Variants in ADAMTSL1 observed in about 807,000 individuals in gnomAD.
ADAMTSL1 encodes the protein ADAMTS-like protein 1.
ADAMTSL1 carries 126 observed loss-of-function variants against 201.8 expected under a neutral mutation model. The ratio of observed to expected loss-of-function variants is 0.62; its 90% CI spans 0.54 to 0.72. The LOEUF (loss-of-function observed/expected upper bound fraction) is 0.72. Ranked by LOEUF, ADAMTSL1 falls within the 30% of genes least tolerant of loss-of-function variation. The pLI is 0.00. For missense variants in ADAMTSL1, 2,679 were observed against 2,277.8 expected (o/e 1.18, Z -3.59); for synonymous variants, 1,121 against 903.4 (o/e 1.24, Z -4.32).
At chr9:18,272,005 C>T (rs1832389634) in intron 2 of ADAMTSL1, among the ~76,000 whole-genome samples, 1 of 150,480 alleles carries the variant, frequency 6.6e-6, no homozygotes, top group Non-Finnish European at 1.5e-5. Flanking sequence ...TATCCTTCGC[C>T]CACTTTTTGA....
At chr9:18,391,082 G>A (rs1051151050) in intron 2 of ADAMTSL1, among the ~76,000 whole-genome samples, 5 of 152,090 alleles carry the variant, frequency 3.3e-5, no homozygotes, top group African/African-American at 1.2e-4. Context: ...GTCTCTTGTC[G>A]ATTCACTCCA....
chr9:18,303,005 A>C (rs553618910), intron 2 of ADAMTSL1, among the ~76,000 whole-genome samples: 1 of 152,226 alleles, frequency 6.6e-6, no homozygotes, highest in Non-Finnish European at 1.5e-5. Flanking sequence ...GCTTTAATAC[A>C]TAAGAAAAGA....
intron 2 of ADAMTSL1, among the ~76,000 whole-genome samples, chr9:18,324,958 C>A (rs7031275): frequency 6.6e-6 from 1 of 151,958 alleles, no homozygotes; most frequent in Non-Finnish European, 1.5e-5. Flanking sequence ...CACTTCACAG[C>A]GAAAGATATA....
intron 23 of ADAMTSL1, among the ~76,000 whole-genome samples, chr9:18,873,891 T>G (rs1245814156): frequency 2.0e-5 from 3 of 152,184 alleles, no homozygotes; most frequent in Non-Finnish European, 4.4e-5. Context: ...TTTGGCAGTA[T>G]GGTCATTTTC....
Position 17,997,487 on chromosome 9 carries a change from A to G in ADAMTSL1, c.87+90565A>G, listed in dbSNP as rs962575352. Among the ~76,000 whole-genome samples, 23 of 152,080 alleles carry G rather than the reference A, an allele frequency of 1.5e-4. No homozygotes were observed. In the East Asian group the frequency reaches 4.5e-3, roughly 29 times the overall value. On this transcript the variant is annotated intron_variant, in intron 1 of 29. Coordinates refer to the ADAMTSL1 transcript ENST00000680146. ...TAGCCAGAAAATGAATCCGTTGAAA[A>G]TCTTATTTACACATATGTTGGTAAC...
At chr9:18,509,331 C>G (rs1817881552) in intron 2 of ADAMTSL1, among the ~76,000 whole-genome samples, 1 of 146,958 alleles carries the variant, frequency 6.8e-6, no homozygotes, top group Admixed American at 6.9e-5. Context: ...CTGGTTCTAT[C>G]TATTCTAGTA....
chr9:18,420,448 AAT>A (rs1314488885), intron 2 of ADAMTSL1, among the ~76,000 whole-genome samples: 1 of 152,152 alleles, frequency 6.6e-6, no homozygotes. Flanking sequence ...CCTTTCCTCA[AAT>A]GTAGGTAAGA....
intron 2 of ADAMTSL1, among the ~76,000 whole-genome samples, chr9:18,344,338 A>G (rs1835602935): frequency 2.0e-5 from 3 of 151,986 alleles, no homozygotes; most frequent in South Asian, 4.1e-4. Context: ...ATTTATTTTT[A>G]TAGAGATGGG....
intron 4 of ADAMTSL1, among the ~76,000 whole-genome samples, chr9:18,591,713 T>C (rs1484795653): frequency 6.6e-6 from 1 of 152,190 alleles, no homozygotes; most frequent in African/African-American, 2.4e-5. Context: ...CAAACACATC[T>C]TTATTAACCA....
intron 4 of ADAMTSL1, among the ~76,000 whole-genome samples, chr9:18,618,852 T>C (rs1211636625): frequency 6.6e-6 from 1 of 152,186 alleles, no homozygotes. Flanking sequence ...CAATGAGAAA[T>C]GTATTCTTTT....
chr9:17,926,657 A>G (rs1178519359), intron 1 of ADAMTSL1, among the ~76,000 whole-genome samples: 1 of 152,198 alleles, frequency 6.6e-6, no homozygotes, highest in African/African-American at 2.4e-5. Context: ...CTCACATACT[A>G]TTGGCCAATC....
intron 1 of ADAMTSL1, among the ~76,000 whole-genome samples, chr9:17,919,951 G>T (rs574624254): frequency 2.6e-5 from 4 of 152,192 alleles, no homozygotes; most frequent in Admixed American, 1.3e-4. Flanking sequence ...GTGTATGAAG[G>T]TCCTAATTTT....
In ADAMTSL1 at chr9:18,906,846, C is replaced by G. The variant is rs762007202; in HGVS notation, c.5116C>G (p.His1706Asp). The G allele has an allele frequency of 6.2e-7, 1 of 1,614,012 alleles. No homozygotes were observed. The highest frequency in any genetic ancestry group is 1.7e-5 in the Admixed American group (1 of 60,030). Residue 1706 changes from histidine (H) to aspartate (D), a missense_variant, in exon 28 of 29, where the codon CAC becomes GAC. Coordinates refer to ENST00000380548, the MANE Select transcript of ADAMTSL1 (RefSeq NM_001040272.6). ...HARTNKAVPE[H>D]LCSWGPRPAN... The stretch of plus-strand genomic sequence containing the variant: ...CCGCACCAACAAGGCAGTGCCTGAG[C>G]ACCTGTGCTCCTGGGGGCCCCGGCC...
intron 1 of ADAMTSL1, among the ~76,000 whole-genome samples, chr9:17,958,808 T>C (rs1828027928): frequency 6.6e-6 from 1 of 152,134 alleles, no homozygotes; most frequent in Admixed American, 6.5e-5. Flanking sequence ...ATATGTAACA[T>C]TACAGAAAGA....
intron 1 of ADAMTSL1, among the ~76,000 whole-genome samples, chr9:17,981,199 C>T (rs890774529): frequency 6.6e-6 from 1 of 152,164 alleles, no homozygotes; most frequent in Non-Finnish European, 1.5e-5. Context: ...GAAGAATGCC[C>T]TCACCAGATA....
At chr9:18,680,646 C>T in intron 11 of ADAMTSL1, 130 bp downstream of exon 11, 1 of 968,634 alleles carries the variant, frequency 1.0e-6, no homozygotes, top group Non-Finnish European at 1.6e-6. Context: ...ACCAGCTTAG[C>T]TCCTGGAGTA....
rs886137198 is a variant in ADAMTSL1 at position 18,777,852 on chromosome 9, C to T, written c.3623C>T (p.Pro1208Leu). ...CTGCACTGTGAGGCCATCGGCCACC[C>T]AAGGCCTACCATCAGCTGGGCCAGG... ...VLLHCEAIGH[P>L]RPTISWARNG... The change falls in exon 19 of 29, where the codon CCA becomes CTA. Residue 1208 changes from proline (P) to leucine (L), a missense_variant. Pro to Leu is a moderately conservative substitution (Grantham distance 98). Coordinates refer to ENST00000380548, the MANE Select transcript of ADAMTSL1 (RefSeq NM_001040272.6). The T allele has an allele frequency of 1.8e-5, 28 of 1,587,024 alleles. No individual in the cohort carries two copies. Among genetic ancestry groups the T allele is most frequent in the Non-Finnish European group, 2.1e-5 (24 of 1,162,064 alleles).
At chr9:18,144,955 G>C (rs1166172031) in intron 1 of ADAMTSL1, among the ~76,000 whole-genome samples, 1 of 152,176 alleles carries the variant, frequency 6.6e-6, no homozygotes, top group African/African-American at 2.4e-5. Context: ...AGGTCAGCAG[G>C]CTGCCTCATA....
In ADAMTSL1 at chr9:18,006,112, T is replaced by C. The variant is rs939515526; in HGVS notation, c.87+99190T>C. On this transcript the variant is annotated intron_variant, in intron 1 of 29. Transcript: ENST00000680146. ...GGAAAAAAAAAAGAAAGCTACCTTA[T>C]AGTGTTTGCTAATATTCATAGTGTA... is the stretch of plus-strand genomic sequence containing the variant. Among the ~76,000 whole-genome samples, 14 of 152,100 alleles carry C rather than the reference T, an allele frequency of 9.2e-5. No individual in the cohort carries two copies. In the East Asian group the frequency reaches 1.8e-3, roughly 19 times the overall value.
Sources: allele counts gnomAD v4.1 joint callset (sites outside exome capture counted in the v4.1 genomes callset), GRCh38; gene constraint gnomAD v4.1.1; transcripts MANE v1.5; gene names NCBI Gene and HGNC (gene_info 2026-07-23, HGNC 2026-07-21).